Variants in NXN observed in about 807,000 individuals in gnomAD.
NXN encodes the protein nucleoredoxin 1.
A neutral mutation model predicts 48.6 loss-of-function variants in NXN; 16 were observed. The ratio of observed to expected loss-of-function variants is 0.33; its 90% CI spans 0.22 to 0.50. The LOEUF is 0.50. Among genes scored for constraint, NXN ranks in the 20% least tolerant of loss-of-function variants. NXN has a pLI of 0.98. For synonymous variants in NXN, 281 were observed against 269.6 expected, an observed-to-expected ratio of 1.04 and a Z score of -0.41; for missense variants, 492 against 605.5, an observed-to-expected ratio of 0.81 and a Z score of 1.97.
intron 1 of NXN, among the ~76,000 whole-genome samples, chr17:892,679 A>G (rs1597700748): frequency 2.6e-5 from 4 of 152,172 alleles, no homozygotes; most frequent in African/African-American, 9.7e-5. Context: ...ACATTGTAGA[A>G]TGTTCATCGC....
At chr17:941,442 A>G (rs2150606204) in intron 1 of NXN, among the ~76,000 whole-genome samples, 1 of 140,338 alleles carries the variant, frequency 7.1e-6, no homozygotes, top group Non-Finnish European at 1.5e-5. Flanking sequence ...GGGCGCAGCC[A>G]TGAACTCACA....
intron 1 of NXN, chr17:907,615 T>C (rs1444351339): frequency 1.3e-5 from 2 of 152,294 alleles, no homozygotes; most frequent in Non-Finnish European, 1.5e-5. Flanking sequence ...CCTGACATTA[T>C]AGGCGTGAAA....
At chr17:952,934 C>T (rs898225983) in intron 1 of NXN, among the ~76,000 whole-genome samples, 8 of 152,270 alleles carry the variant, frequency 5.3e-5, no homozygotes, top group Admixed American at 3.3e-4. Context: ...CCCACTTCTC[C>T]GTCCTGGAAG....
chr17:808,538 G>T (rs550915435), intron 5 of NXN, among the ~76,000 whole-genome samples: 1 of 152,038 alleles, frequency 6.6e-6, no homozygotes, highest in African/African-American at 2.4e-5. Flanking sequence ...CAGGTGATCC[G>T]CCCACCTCGG....
At position 932,135 on chromosome 17, in the gene NXN, C is replaced by T. The variant is rs1567507166; in HGVS notation, c.360+47184G>A. 6.6e-6 allele frequency among the ~76,000 whole-genome samples: 1 copy of T among 152,124 alleles called. No homozygotes were observed. The highest frequency in any genetic ancestry group is 1.5e-5 in the Non-Finnish European group (1 of 68,032). On this transcript the variant is annotated intron_variant, in intron 1 of 7. Coordinates refer to ENST00000336868, the MANE Select transcript of NXN (RefSeq NM_022463.5). This position sits in a 1 kb window ranked among gnomAD's most constrained non-coding sequence, Gnocchi z 4.1. ...CTCCAGCCTGGGCAATAGAGCAAGA[C>T]CCTATCTCAAAAATAAAACAAAACG...
intron 1 of NXN, among the ~76,000 whole-genome samples, chr17:906,301 CTG>C (rs2068580564): frequency 1.3e-5 from 2 of 151,968 alleles, no homozygotes; most frequent in South Asian, 2.1e-4. Flanking sequence ...TACTTCTAAA[CTG>C]TGTATTTTTG....
At chr17:885,596 T>C (rs1226262985) in intron 1 of NXN, among the ~76,000 whole-genome samples, 1 of 141,786 alleles carries the variant, frequency 7.1e-6, no homozygotes, top group Non-Finnish European at 1.5e-5. Context: ...TGGAAGTAAA[T>C]GGCTTCCTTT....
intron 1 of NXN, among the ~76,000 whole-genome samples, chr17:894,773 A>T (rs2068458355): frequency 6.6e-6 from 1 of 152,200 alleles, no homozygotes; most frequent in African/African-American, 2.4e-5. Context: ...CGCCCCAAGA[A>T]GACGGTCCCC....
At chr17:864,428 C>G (rs941683555) in intron 1 of NXN, among the ~76,000 whole-genome samples, 1 of 152,212 alleles carries the variant, frequency 6.6e-6, no homozygotes, top group Non-Finnish European at 1.5e-5. Context: ...GGACAAGACA[C>G]CAGCCTCAAC....
chr17:901,246 T>A (rs976067586), intron 1 of NXN, among the ~76,000 whole-genome samples: 31 of 49,632 alleles, frequency 6.2e-4, no homozygotes, highest in Non-Finnish European at 1.2e-3. Flanking sequence ...CTCATTTGTA[T>A]CCAAAACCCC....
intron 1 of NXN, among the ~76,000 whole-genome samples, chr17:973,705 A>T (rs570781417): frequency 6.6e-5 from 10 of 151,596 alleles, no homozygotes; most frequent in Admixed American, 2.0e-4. Context: ...TCCAAGACGG[A>T]GTCTTGCTCT....
intron 1 of NXN, among the ~76,000 whole-genome samples, chr17:884,498 G>A (rs953582279): frequency 4.6e-5 from 7 of 152,180 alleles, no homozygotes; most frequent in Non-Finnish European, 8.8e-5. Context: ...GAGAAAACTC[G>A]CCAAAGCGAG....
At chr17:885,587 GGAA>G (rs2068335822) in intron 1 of NXN, among the ~76,000 whole-genome samples, 1 of 149,812 alleles carries the variant, frequency 6.7e-6, no homozygotes, top group South Asian at 2.1e-4. Flanking sequence ...AATCATCTCT[GGAA>G]GTAAATGGCT....
chr17:870,457 T>C (rs1304219569), intron 1 of NXN, among the ~76,000 whole-genome samples: 3 of 151,960 alleles, frequency 2.0e-5, no homozygotes, highest in African/African-American at 7.3e-5. Flanking sequence ...GAATGAAAAA[T>C]CCTGGCTGAG....
At chr17:950,456 T>G (rs1231667236) in intron 1 of NXN, among the ~76,000 whole-genome samples, 3 of 151,190 alleles carry the variant, frequency 2.0e-5, no homozygotes, top group Non-Finnish European at 4.4e-5. Context: ...CAGGGGTGTG[T>G]GGGGTGCAAA....
intron 1 of NXN, among the ~76,000 whole-genome samples, chr17:935,340 G>C (rs142118062): frequency 6.6e-6 from 1 of 151,986 alleles, no homozygotes; most frequent in Non-Finnish European, 1.5e-5. Flanking sequence ...CAATTCCTTC[G>C]TATCTGGGAA....
chr17:979,661 C>T lies in NXN; in HGVS notation c.18G>A (p.Glu6=). The change falls in exon 1 of 8, where the codon GAG becomes GAA. Residue 6 remains glutamate (E), a synonymous_variant. Transcript: ENST00000336868. MSGFL[E]ELLGEKLVTG... ...TCACCAGCTTCTCGCCGAGCAGCTC[C>T]TCCAGGAAGCCCGACATCCTGGCCC... is the stretch of plus-strand genomic sequence containing the variant. The T allele has an allele frequency of 6.8e-7, 1 of 1,472,038 alleles. No individual in the cohort carries two copies. 91.2% of individuals were successfully genotyped at this position (1,472,038 alleles called of 1,614,324 possible). A position where few individuals can be genotyped will look rare whatever the true frequency, so the allele number is the denominator to read the frequency against.
At chr17:805,306 G>A in intron 5 of NXN, 59 bp from the exon 6 acceptor site, 1 of 1,525,828 alleles carries the variant, frequency 6.6e-7, no homozygotes, top group Non-Finnish European at 8.8e-7. Flanking sequence ...CTGCCTGGCA[G>A]GAGGCTCGCG....
intron 5 of NXN, chr17:818,976 T>C: frequency 4.0e-6 from 1 of 248,212 alleles, no homozygotes; most frequent in Non-Finnish European, 7.9e-6. Flanking sequence ...AGACAGAGTC[T>C]CCCTCTGTTG....
Sources: allele counts gnomAD v4.1 joint callset (sites outside exome capture counted in the v4.1 genomes callset), GRCh38; gene constraint gnomAD v4.1.1; non-coding constraint Gnocchi (gnomAD v3.1); transcripts MANE v1.5; gene names NCBI Gene and HGNC (gene_info 2026-07-23, HGNC 2026-07-21).